PPM1B: variants seen among roughly 807,000 people sequenced by gnomAD.
The protein encoded by PPM1B is protein phosphatase 1B.
Under a neutral mutation model 43.0 loss-of-function variants are expected in PPM1B, and 22 were observed. The ratio of observed to expected loss-of-function variants is 0.51; its 90% confidence interval spans 0.37 to 0.73. The LOEUF is 0.73. Among genes scored for constraint, PPM1B ranks in the 30% least tolerant of loss-of-function variants. The pLI, the probability that PPM1B is intolerant of heterozygous loss-of-function variation, is 0.00. For synonymous variants in PPM1B, 217 were observed against 197.9 expected (o/e 1.10, Z -0.81); for missense variants, 632 against 584.2 (o/e 1.08, Z -0.84).
chr2:44,227,186 G>A (rs892723613), intron 5 of PPM1B, among the ~76,000 whole-genome samples: 2 of 151,594 alleles, frequency 1.3e-5, no homozygotes, highest in African/African-American at 4.9e-5. Context: ...TGTTGCTCAG[G>A]CTGGTCTCAA....
chr2:44,212,158 A>G (rs1245962053), intron 3 of PPM1B, among the ~76,000 whole-genome samples: 2 of 152,134 alleles, frequency 1.3e-5, no homozygotes, highest in Non-Finnish European at 2.9e-5. Context: ...TATTCATTGT[A>G]TTATCAACTG....
At chr2:44,233,449 G>T, downstream of PPM1B, 2 of 983,338 alleles carry the variant, frequency 2.0e-6, no homozygotes, top group Non-Finnish European at 2.4e-6. Flanking sequence ...AGTTTTGCAT[G>T]TATTAAATTC....
At chr2:44,236,557 T>G (rs1670629604), downstream of PPM1B, among the ~76,000 whole-genome samples, 1 of 152,106 alleles carries the variant, frequency 6.6e-6, no homozygotes, top group African/African-American at 2.4e-5. Flanking sequence ...GAAAAATGTT[T>G]CTATAATCAT....
intron 5 of PPM1B, among the ~76,000 whole-genome samples, chr2:44,224,024 A>G (rs140694484): frequency 6.6e-5 from 10 of 152,186 alleles, no homozygotes; most frequent in African/African-American, 9.6e-5. Context: ...TTAGTCATCA[A>G]TTGTATCACA....
chr2:44,208,700 C>T (rs556337269), intron 2 of PPM1B, among the ~76,000 whole-genome samples: 12 of 152,026 alleles, frequency 7.9e-5, no homozygotes, highest in African/African-American at 1.9e-4. Flanking sequence ...GCAACAAGAG[C>T]GAAACTTTGT....
chr2:44,213,526 G>A (rs1669580840), intron 3 of PPM1B, among the ~76,000 whole-genome samples: 1 of 152,106 alleles, frequency 6.6e-6, no homozygotes, highest in Admixed American at 6.6e-5. Flanking sequence ...TTTCTAATAT[G>A]TAATTACAAT....
At chr2:44,204,538 G>A (rs1408970671) in intron 2 of PPM1B, among the ~76,000 whole-genome samples, 1 of 152,014 alleles carries the variant, frequency 6.6e-6, no homozygotes, top group Non-Finnish European at 1.5e-5. Context: ...AATCGTGGTA[G>A]TATTAGTAAA....
chr2:44,170,683 A>G (rs556963334), intron 1 of PPM1B, among the ~76,000 whole-genome samples: 9 of 152,346 alleles, frequency 5.9e-5, no homozygotes, highest in African/African-American at 1.4e-4. Context: ...TTGTTGGCCT[A>G]CTTTTAAATG....
At chr2:44,238,424 G>T (rs970891233), downstream of PPM1B, among the ~76,000 whole-genome samples, 5 of 152,070 alleles carry the variant, frequency 3.3e-5, no homozygotes, top group African/African-American at 1.2e-4. Flanking sequence ...GGGTTCTGCT[G>T]GGCACAGTGC....
intron 1 of PPM1B, among the ~76,000 whole-genome samples, chr2:44,196,119 A>G (rs533654152): frequency 6.6e-6 from 1 of 152,320 alleles, no homozygotes; most frequent in Non-Finnish European, 1.5e-5. Context: ...TAAAGCCCAT[A>G]AAGCCCATTC....
At chr2:44,226,608 T>G (rs980658377) in intron 5 of PPM1B, among the ~76,000 whole-genome samples, 1 of 152,146 alleles carries the variant, frequency 6.6e-6, no homozygotes, top group East Asian at 1.9e-4. Flanking sequence ...ATGTGTGCAA[T>G]TTTAAAAGCT....
At chr2:44,233,771 T>A, downstream of PPM1B, 4 of 985,774 alleles carry the variant, frequency 4.1e-6, no homozygotes, top group South Asian at 1.4e-4. Context: ...TGCACCTGAT[T>A]TTTGGTCTAA....
chr2:44,189,419 C>A (rs534484760), intron 1 of PPM1B, among the ~76,000 whole-genome samples: 1 of 152,198 alleles, frequency 6.6e-6, no homozygotes, highest in South Asian at 2.1e-4. Context: ...TCTAGGATTC[C>A]CTCCGCAGTT....
At chr2:44,232,837 A>G, downstream of PPM1B, 8 of 971,132 alleles carry the variant, frequency 8.2e-6, no homozygotes, top group Non-Finnish European at 9.8e-6. Context: ...TTTCTATAGG[A>G]TATGTATTTA....
downstream of PPM1B, among the ~76,000 whole-genome samples, chr2:44,239,179 CAA>C (rs1193340508): frequency 0.22 from 19,790 of 89,512 alleles, 965 homozygotes; most frequent in African/African-American, 0.32. Context: ...GTCTCTAATA[CAA>C]AAAAAAAAAA....
chr2:44,202,902 T>G (rs1395703063), intron 2 of PPM1B, among the ~76,000 whole-genome samples: 2 of 152,160 alleles, frequency 1.3e-5, no homozygotes, highest in Non-Finnish European at 2.9e-5. Context: ...AATTAAAATT[T>G]GAGTTATCTG....
At chr2:44,226,493 A>G (rs968209744) in intron 5 of PPM1B, among the ~76,000 whole-genome samples, 7 of 152,142 alleles carry the variant, frequency 4.6e-5, no homozygotes, top group Admixed American at 6.6e-5. Flanking sequence ...CATTTAGTCT[A>G]TATCAGTGAT....
At chr2:44,222,289 A>G (rs1670012297) in intron 5 of PPM1B, among the ~76,000 whole-genome samples, 1 of 152,136 alleles carries the variant, frequency 6.6e-6, no homozygotes, top group African/African-American at 2.4e-5. Flanking sequence ...AATAGGAAAT[A>G]TTTGTATTTA....
intron 5 of PPM1B, among the ~76,000 whole-genome samples, chr2:44,227,859 C>G (rs929479075): frequency 1.8e-4 from 28 of 151,560 alleles, no homozygotes; most frequent in African/African-American, 6.8e-4. Context: ...ACTTCCCCGC[C>G]CCATCCCCAC....
Sources: gnomAD v4.1 joint callset for allele counts (sites outside exome capture counted in the v4.1 genomes callset) on GRCh38, gnomAD v4.1.1 for gene constraint, MANE v1.5 for transcripts, NCBI Gene and HGNC (gene_info 2026-07-23, HGNC 2026-07-21) for gene names.